The following CACNA1D variants were observed in gnomAD, a reference collection of about 807,000 sequenced individuals.
CACNA1D encodes calcium voltage-gated channel subunit alpha1 D, also known as voltage-dependent L-type calcium channel subunit alpha-1D.
In CACNA1D, 55 loss-of-function variants were observed where a neutral mutation model predicts 257.1. That is an observed-to-expected ratio of 0.21 (90% CI 0.17 to 0.27). The LOEUF is 0.27. Among genes scored for constraint, CACNA1D ranks in the 10% least tolerant of loss-of-function variants. CACNA1D has a pLI of 1.00. For missense variants in CACNA1D, 1,876 were observed against 2,784.0 expected (o/e 0.67, Z 7.34); for synonymous variants, 980 against 1,014.9 (o/e 0.97, Z 0.65).
intron 5 of CACNA1D, among the ~76,000 whole-genome samples, chr3:53,662,079 C>A (rs1464884999): frequency 2.0e-5 from 3 of 152,152 alleles, no homozygotes; most frequent in Non-Finnish European, 1.5e-5. Flanking sequence ...CTGATTTCTT[C>A]TCTAGTACTT....
In CACNA1D at chr3:53,505,121, T is replaced by TG. The variant is rs112297051; in HGVS notation, c.483+3401_483+3402insG. 1.4e-4 allele frequency among the ~76,000 whole-genome samples: 20 copies of TG among 145,966 alleles called. 1 individual carries two copies. Among genetic ancestry groups the TG allele is most frequent in the South Asian group, 2.2e-4 (1 of 4,448 alleles). ...GCTTTTTATTTGTTTATTTGTTTTTTTTTTTTTTTTTTTTTGAGGCTCTGT... is the reference window on the plus strand; with the variant it reads ...GCTTTTTATTTGTTTATTTGTTTTTTGTTTTTTTTTTTTTTTGAGGCTCTGT... On this transcript the variant is annotated intron_variant, in intron 3 of 47. Coordinates refer to ENST00000350061, the MANE Select transcript of CACNA1D (RefSeq NM_001128840.3).
intron 9 of CACNA1D, among the ~76,000 whole-genome samples, chr3:53,713,506 G>GTA (rs1239052857): frequency 1.3e-4 from 15 of 113,938 alleles, no homozygotes; most frequent in Non-Finnish European, 2.5e-4. Context: ...GTGTGTATGT[G>GTA]TGTGTGTGTG....
intron 3 of CACNA1D, among the ~76,000 whole-genome samples, chr3:53,648,066 GA>G (rs1401321782): frequency 6.6e-6 from 1 of 152,310 alleles, no homozygotes; most frequent in African/African-American, 2.4e-5. Context: ...AGTCAGAGAG[GA>G]AAAACAAGCT....
In CACNA1D at chr3:53,799,464, A is replaced by G. The variant is rs549428117; in HGVS notation, c.4924-785A>G. Among the ~76,000 whole-genome samples, 6 of 152,264 alleles carry G rather than the reference A, an allele frequency of 3.9e-5. No individual in the cohort carries two copies. In the South Asian group the frequency reaches 1.2e-3, roughly 32 times the overall value. On this transcript the variant is annotated intron_variant, in intron 40 of 47. Coordinates refer to ENST00000350061, the MANE Select transcript of CACNA1D (RefSeq NM_001128840.3). ...TGTGAGGGCGCCAGGGGAGATGCAG[A>G]GTATCTGTGACGGGCCCAGAGGGAT...
At chr3:53,542,504 C>T (rs944695685) in intron 3 of CACNA1D, among the ~76,000 whole-genome samples, 2 of 151,900 alleles carry the variant, frequency 1.3e-5, no homozygotes, top group African/African-American at 4.8e-5. Flanking sequence ...CACTTGAGCC[C>T]AGGAGTTCAA....
At position 53,666,480 on chromosome 3, in the gene CACNA1D, T is replaced by C; in HGVS notation, c.1061T>C (p.Met354Thr). Residue 354 changes from methionine to threonine, a missense_variant, in exon 7 of 48, where the codon ATG becomes ACG. Physicochemically the swap from Met to Thr is moderately conservative, Grantham distance 81 (BLOSUM62 -1). Coordinates refer to ENST00000350061, the MANE Select transcript of CACNA1D (RefSeq NM_001128840.3). ...ITNFDNFAFA[M>T]LTVFQCITME... ...AACTTTGATAACTTTGCCTTTGCCA[T>C]GCTTACTGTGTTTCAGTGCATCACC... 1 of 1,614,222 alleles carries C rather than the reference T, an allele frequency of 6.2e-7. No homozygotes were observed.
intron 3 of CACNA1D, among the ~76,000 whole-genome samples, chr3:53,605,243 C>T (rs963073583): frequency 3.3e-5 from 5 of 152,264 alleles, no homozygotes; most frequent in African/African-American, 9.6e-5. Flanking sequence ...GTGAGACCAC[C>T]GTGGAGGGCT....
intron 8 of CACNA1D, among the ~76,000 whole-genome samples, chr3:53,696,070 C>A (rs2094570458): frequency 6.6e-6 from 1 of 152,108 alleles, no homozygotes; most frequent in Admixed American, 6.5e-5. Context: ...CTCGGGTGAT[C>A]CTCCTGCCTC....
At chr3:53,628,007 G>A (rs1559938410) in intron 3 of CACNA1D, among the ~76,000 whole-genome samples, 1 of 151,974 alleles carries the variant, frequency 6.6e-6, no homozygotes, top group Non-Finnish European at 1.5e-5. Flanking sequence ...GTGACAGAGC[G>A]AGACTCCATC....
Position 53,700,138 on chromosome 3 carries a change from G to A in CACNA1D, c.1221-2503G>A, listed in dbSNP as rs530285183. On this transcript the variant is annotated intron_variant, in intron 8 of 47. Transcript: ENST00000350061. ...ACATTATAAAATGTATATAATGTAT[G>A]TAATTATGCATTATAAAATGAATGT... 4.0e-4 allele frequency among the ~76,000 whole-genome samples: 59 copies of A among 149,292 alleles called. No homozygotes were observed. The South Asian group carries it at 0.01, about 26-fold the overall frequency.
rs72556355 is a variant in CACNA1D, at chr3:53,747,296, C to G, written c.3168-6C>G. 343 of 1,613,860 alleles carry G rather than the reference C, an allele frequency of 2.1e-4. 1 individual carries two copies. In the African/African-American group the frequency reaches 4.2e-3, roughly 20 times the overall value. On this transcript the variant is annotated splice_polypyrimidine_tract_variant and splice_region_variant and intron_variant, in intron 25 of 47. Coordinates refer to ENST00000350061, the MANE Select transcript of CACNA1D (RefSeq NM_001128840.3). ...CCAGACGACCCACACCTGTTTTCCT[C>G]TCCAGGGGACTTTTCATCCTCTACA...
intron 3 of CACNA1D, among the ~76,000 whole-genome samples, chr3:53,546,220 A>G (rs1283933291): frequency 6.6e-6 from 1 of 152,202 alleles, no homozygotes; most frequent in Non-Finnish European, 1.5e-5. Context: ...ACCACTGCTC[A>G]ACTATGAAAA....
At chr3:53,767,574 A>AAAAAC (rs72472719) in intron 30 of CACNA1D, among the ~76,000 whole-genome samples, 6 of 151,676 alleles carry the variant, frequency 4.0e-5, no homozygotes, top group Admixed American at 6.6e-5. Flanking sequence ...TCAAAAAAAA[A>AAAAAC]AAAAAAACAA....
chr3:53,786,584 C>G (rs908230643), intron 39 of CACNA1D: 2 of 528,636 alleles, frequency 3.8e-6, no homozygotes, highest in Non-Finnish European at 6.8e-6. Context: ...TTATTTTCTG[C>G]AACCTAGAGT....
intron 9 of CACNA1D, among the ~76,000 whole-genome samples, chr3:53,714,253 T>C (rs1019265244): frequency 1.3e-5 from 2 of 152,114 alleles, no homozygotes; most frequent in Admixed American, 1.3e-4. Flanking sequence ...TTGTCGGCAA[T>C]GTGGGGAGGT....
chr3:53,794,258 A>G (rs1180880961), intron 40 of CACNA1D, among the ~76,000 whole-genome samples: 1 of 152,194 alleles, frequency 6.6e-6, no homozygotes, highest in Non-Finnish European at 1.5e-5. Context: ...TGGCAGCCCA[A>G]TTGTGTCATG....
intron 3 of CACNA1D, among the ~76,000 whole-genome samples, chr3:53,532,056 T>C (rs952653539): frequency 6.6e-6 from 1 of 152,182 alleles, no homozygotes; most frequent in Admixed American, 6.5e-5. Context: ...GGTAGGGTAA[T>C]GTTTATAGCC....
intron 38 of CACNA1D, 66 bp downstream of exon 38, chr3:53,780,194 C>A: frequency 7.8e-7 from 1 of 1,276,002 alleles, no homozygotes; most frequent in South Asian, 1.2e-5. Flanking sequence ...CCCATCTTGC[C>A]TTCCTCATCT....
At chr3:53,682,801 C>T (rs2094444744) in intron 8 of CACNA1D, among the ~76,000 whole-genome samples, 1 of 152,106 alleles carries the variant, frequency 6.6e-6, no homozygotes, top group Non-Finnish European at 1.5e-5. Flanking sequence ...CTGCTTCCAG[C>T]CACAACATAC....
Sources: gnomAD v4.1 joint callset for allele counts (sites outside exome capture counted in the v4.1 genomes callset) on GRCh38, gnomAD v4.1.1 for gene constraint, MANE v1.5 for transcripts, NCBI Gene and HGNC (gene_info 2026-07-23, HGNC 2026-07-21) for gene names.